The following MAD1L1 variants were observed in gnomAD, a reference collection of about 807,000 sequenced individuals.
MAD1L1 encodes mitotic arrest deficient 1 like 1.
A neutral mutation model predicts 96.9 loss-of-function variants in MAD1L1; 95 were observed. That is an observed-to-expected ratio of 0.98 (90% CI 0.83 to 1.16). The LOEUF (loss-of-function observed/expected upper bound fraction) is 1.16, where lower values mean the gene tolerates loss of function less well. Among genes scored for constraint, MAD1L1 ranks in the 50% most tolerant of loss-of-function variants. MAD1L1 has a pLI of 0.00. For synonymous variants in MAD1L1, 473 were observed against 396.6 expected (o/e 1.19, Z -2.29); for missense variants, 1,007 against 954.4 (o/e 1.06, Z -0.73).
chr7:1,846,380 T>G (rs1446711301), intron 18 of MAD1L1: 1 of 152,622 alleles, frequency 6.6e-6, no homozygotes, highest in Admixed American at 6.5e-5. Context: ...AGTGTTTCCA[T>G]AGAGGGTTCA....
intron 4 of MAD1L1, 126 bp from the exon 5 acceptor site, chr7:2,222,880 C>T: frequency 2.6e-6 from 2 of 755,652 alleles, no homozygotes; most frequent in Non-Finnish European, 4.1e-6. Context: ...ACCCATGAGC[C>T]AAGTCATAGG....
intron 11 of MAD1L1, chr7:2,079,741 G>A (rs1308868400): frequency 4.2e-6 from 2 of 470,962 alleles, no homozygotes; most frequent in East Asian, 1.4e-4. Context: ...TGGGTGGGGA[G>A]CCCCGGCAAG....
chr7:2,137,162 C>T (rs982745338), intron 11 of MAD1L1, among the ~76,000 whole-genome samples: 3 of 152,214 alleles, frequency 2.0e-5, no homozygotes, highest in Admixed American at 6.5e-5. Context: ...GTTCAGGGCA[C>T]CAAAATACTT....
intron 10 of MAD1L1, among the ~76,000 whole-genome samples, chr7:2,193,831 T>C (rs1252444827): frequency 6.7e-6 from 1 of 150,152 alleles, no homozygotes; most frequent in Admixed American, 6.6e-5. Flanking sequence ...CGCCCAACTG[T>C]CCCAAATCTG....
intron 18 of MAD1L1, among the ~76,000 whole-genome samples, chr7:1,858,868 C>G (rs1784385270): frequency 2.0e-5 from 3 of 152,214 alleles, no homozygotes; most frequent in African/African-American, 4.8e-5. Flanking sequence ...AGGGACAGGG[C>G]CTGACCACCT....
chr7:1,921,109 G>A (rs1411273691), intron 17 of MAD1L1, among the ~76,000 whole-genome samples: 2 of 152,152 alleles, frequency 1.3e-5, no homozygotes, highest in East Asian at 1.9e-4. Flanking sequence ...ACACACTCCT[G>A]CCTGGACCGG....
At chr7:2,082,860 C>G (rs1028159691) in intron 11 of MAD1L1, among the ~76,000 whole-genome samples, 23 of 152,236 alleles carry the variant, frequency 1.5e-4, no homozygotes, top group Non-Finnish European at 4.4e-5. Flanking sequence ...TTCAGCGCTA[C>G]CTGGGTAATG....
intron 15 of MAD1L1, among the ~76,000 whole-genome samples, chr7:1,977,185 G>A (rs979095745): frequency 1.3e-5 from 2 of 152,240 alleles, no homozygotes; most frequent in Non-Finnish European, 2.9e-5. Flanking sequence ...GGGGAGGCTG[G>A]GCTGCGTGGG....
At chr7:1,933,833 C>T (rs1347475896) in intron 17 of MAD1L1, among the ~76,000 whole-genome samples, 1 of 152,198 alleles carries the variant, frequency 6.6e-6, no homozygotes, top group Non-Finnish European at 1.5e-5. Context: ...TCCAGATCCA[C>T]TGTGCTTCAG....
intron 5 of MAD1L1, among the ~76,000 whole-genome samples, chr7:2,220,321 G>A (rs1004966878): frequency 6.6e-6 from 1 of 152,134 alleles, no homozygotes; most frequent in East Asian, 1.9e-4. Context: ...CATGGAACCC[G>A]CACGCGACAG....
At chr7:2,074,397 A>G (rs1484510107) in intron 11 of MAD1L1, among the ~76,000 whole-genome samples, 1 of 152,180 alleles carries the variant, frequency 6.6e-6, no homozygotes, top group Admixed American at 6.5e-5. Context: ...GGCTGACATC[A>G]TTAAAATGTA....
intron 10 of MAD1L1, among the ~76,000 whole-genome samples, chr7:2,186,814 G>C (rs566494663): frequency 8.8e-5 from 13 of 148,356 alleles, no homozygotes; most frequent in African/African-American, 3.2e-4. Flanking sequence ...TTTTCTCTGA[G>C]ACGGACTCTC....
chr7:2,093,482 G>C (rs1243707630), intron 11 of MAD1L1, among the ~76,000 whole-genome samples: 1 of 152,194 alleles, frequency 6.6e-6, no homozygotes, highest in East Asian at 1.9e-4. Context: ...CCTGGGAAGA[G>C]GGACGACGGG....
intron 11 of MAD1L1, among the ~76,000 whole-genome samples, chr7:2,102,992 C>T (rs1466919396): frequency 2.6e-5 from 4 of 152,212 alleles, no homozygotes; most frequent in Non-Finnish European, 1.5e-5. Flanking sequence ...CCTCTCAGGA[C>T]ATCAGCTCCA....
chr7:2,219,494 G>C lies in MAD1L1; in HGVS notation c.472-38C>G, dbSNP rs533172607. ...GGGACCAGAGAGCCGCTCAGTGAGT[G>C]GAGCCCGTGCGTGGAAGGAGCCTGC... is the stretch of plus-strand genomic sequence containing the variant. On this transcript the variant is annotated intron_variant, in intron 5 of 18. Coordinates refer to ENST00000265854, the MANE Select transcript of MAD1L1 (RefSeq NM_001013836.2). 5 of 1,604,100 alleles carry C rather than the reference G, an allele frequency of 3.1e-6. No individual in the cohort carries two copies. In the South Asian group the frequency reaches 5.5e-5, roughly 18 times the overall value.
At chr7:1,897,311 A>T (rs1786941813) in intron 18 of MAD1L1, among the ~76,000 whole-genome samples, 1 of 152,158 alleles carries the variant, frequency 6.6e-6, no homozygotes, top group African/African-American at 2.4e-5. Flanking sequence ...GGCAGTTTAG[A>T]CGCCCGTTCC....
intron 18 of MAD1L1, among the ~76,000 whole-genome samples, chr7:1,878,394 T>C (rs1785494869): frequency 6.6e-6 from 1 of 152,032 alleles, no homozygotes; most frequent in African/African-American, 2.4e-5. Flanking sequence ...TTGCACAAGA[T>C]CATAGATGCA....
intron 17 of MAD1L1, among the ~76,000 whole-genome samples, chr7:1,909,498 C>G (rs56378552): frequency 6.6e-6 from 1 of 152,174 alleles, no homozygotes. Context: ...CGATTTGTAT[C>G]CGGGTCCTGG....
intron 10 of MAD1L1, among the ~76,000 whole-genome samples, chr7:2,207,839 G>A (rs1411883359): frequency 1.3e-5 from 2 of 152,078 alleles, no homozygotes; most frequent in African/African-American, 2.4e-5. Context: ...CAGAGATGCC[G>A]GCCTACTACT....
Sources: allele counts gnomAD v4.1 joint callset (sites outside exome capture counted in the v4.1 genomes callset), GRCh38; gene constraint gnomAD v4.1.1; transcripts MANE v1.5; gene names NCBI Gene and HGNC (gene_info 2026-07-23, HGNC 2026-07-21).